PRMT8: variants seen among roughly 807,000 people sequenced by gnomAD.
The protein encoded by PRMT8 is protein arginine N-methyltransferase 8.
In PRMT8, 7 loss-of-function variants were observed where a neutral mutation model predicts 47.1. The observed-to-expected ratio is 0.15, with a 90% confidence interval of 0.08 to 0.28. The LOEUF is 0.28. Ranked by LOEUF, PRMT8 falls within the 10% of genes least tolerant of loss-of-function variation. The pLI, the probability that PRMT8 is intolerant of heterozygous loss-of-function variation, is 1.00. For synonymous variants in PRMT8, 188 were observed against 186.5 expected (o/e 1.01, Z -0.07); for missense variants, 237 against 505.4 (o/e 0.47, Z 5.09).
chr12:3,458,680 T>C (rs1294710757), intron 1 of PRMT8, among the ~76,000 whole-genome samples: 2 of 152,246 alleles, frequency 1.3e-5, no homozygotes, highest in African/African-American at 4.8e-5. Context: ...CCTTTCTTAA[T>C]GAAATCAGAC....
chr12:3,485,085 C>T (rs1026480738), intron 1 of PRMT8, among the ~76,000 whole-genome samples: 1 of 152,080 alleles, frequency 6.6e-6, no homozygotes, highest in Non-Finnish European at 1.5e-5. Context: ...GTAACTGATG[C>T]CAATTAAGAA....
At position 3,436,720 on chromosome 12, in the gene PRMT8, T is replaced by C. The variant is rs941166411; in HGVS notation, c.48+55278T>C. ...GCAAAAGCCATGAGTCGGTTAAACA[T>C]CAAGGTGAAGTTATTTCCAGCGGAT... On this transcript the variant is annotated intron_variant, in intron 1 of 9. Transcript: ENST00000452611. The surrounding 1 kb of genome is among the most constrained non-coding windows in gnomAD (Gnocchi z 4.2). Among the ~76,000 whole-genome samples, 17 of 152,292 alleles carry C rather than the reference T, an allele frequency of 1.1e-4. No homozygotes were observed. Among genetic ancestry groups the C allele is most frequent in the African/African-American group, 4.1e-4 (17 of 41,568 alleles).
chr12:3,584,826 C>G (rs969041294), intron 8 of PRMT8, among the ~76,000 whole-genome samples: 1 of 152,120 alleles, frequency 6.6e-6, no homozygotes, highest in Admixed American at 6.6e-5. Context: ...CCCAGCTGCC[C>G]CATTGATGGT....
chr12:3,578,420 G>A (rs1866989588), intron 7 of PRMT8, among the ~76,000 whole-genome samples: 1 of 151,144 alleles, frequency 6.6e-6, no homozygotes, highest in African/African-American at 2.4e-5. Flanking sequence ...AATGGGGTTT[G>A]GCCATGTTGC....
chr12:3,424,754 A>T (rs913969407), intron 1 of PRMT8, among the ~76,000 whole-genome samples: 3 of 152,198 alleles, frequency 2.0e-5, no homozygotes, highest in Non-Finnish European at 2.9e-5. Context: ...TTGTTCACTT[A>T]TAATAACCAT....
chr12:3,583,370 T>C lies in PRMT8; in HGVS notation c.979+162T>C, dbSNP rs59583667. Among the ~76,000 whole-genome samples, 3,327 of 152,200 alleles carry C rather than the reference T, an allele frequency of 0.022. 114 individuals carry two copies. The highest frequency in any genetic ancestry group is 0.075 in the African/African-American group (3,124 of 41,526). Reference sequence around the variant, plus strand: ...GCCATGGAGGAACCATGCATCCCTATATTTGTGCTGTCCAAGGAGAAGGTA... The same window carrying C: ...GCCATGGAGGAACCATGCATCCCTACATTTGTGCTGTCCAAGGAGAAGGTA... On this transcript the variant is annotated intron_variant, in intron 8 of 9. Coordinates refer to ENST00000382622, the MANE Select transcript of PRMT8 (RefSeq NM_019854.5). This position sits in a 1 kb window ranked among gnomAD's most constrained non-coding sequence, Gnocchi z 4.7.
intron 1 of PRMT8, among the ~76,000 whole-genome samples, chr12:3,407,624 G>C (rs548355069): frequency 3.8e-4 from 58 of 152,186 alleles, no homozygotes; most frequent in African/African-American, 1.3e-3. Context: ...CTGTCAGGGG[G>C]CCCTTTGAGC....
rs906946982 is a variant in PRMT8, at chr12:3,557,067, A to G, written c.481+3353A>G. Reference sequence around the variant, plus strand: ...AAGAATGAGACAGTTGCATGCCAAAAAGAGAGAAGGTGAAGGGAGGTGAGT... The same window carrying G: ...AAGAATGAGACAGTTGCATGCCAAAGAGAGAGAAGGTGAAGGGAGGTGAGT... On this transcript the variant is annotated intron_variant, in intron 4 of 9. Transcript: ENST00000382622. This position sits in a 1 kb window ranked among gnomAD's most constrained non-coding sequence, Gnocchi z 4.7. Among the ~76,000 whole-genome samples, 2 of 152,194 alleles carry G rather than the reference A, an allele frequency of 1.3e-5. No homozygotes were observed. Among genetic ancestry groups the G allele is most frequent in the Non-Finnish European group, 2.9e-5 (2 of 68,038 alleles).
chr12:3,563,591 T>C (rs1320308654), intron 4 of PRMT8, among the ~76,000 whole-genome samples: 2 of 152,044 alleles, frequency 1.3e-5, no homozygotes, highest in African/African-American at 2.4e-5. Flanking sequence ...CTTCTCTGAT[T>C]TCTTTTCTCT....
chr12:3,381,978 A>G (rs1864096640), intron 1 of PRMT8, among the ~76,000 whole-genome samples: 1 of 152,240 alleles, frequency 6.6e-6, no homozygotes, highest in Admixed American at 6.5e-5. Context: ...ATCATATAGT[A>G]TGTAACCTTC....
chr12:3,386,341 T>C (rs917747593), intron 1 of PRMT8, among the ~76,000 whole-genome samples: 2 of 152,244 alleles, frequency 1.3e-5, no homozygotes, highest in Non-Finnish European at 2.9e-5. Context: ...TTCCTGTGAT[T>C]TCTTCCTCAT....
chr12:3,529,658 T>A (rs1865998987), intron 1 of PRMT8, among the ~76,000 whole-genome samples: 3 of 152,060 alleles, frequency 2.0e-5, no homozygotes, highest in Non-Finnish European at 4.4e-5. Context: ...CTAGAAAGAG[T>A]CTATGGAAAC....
chr12:3,410,297 C>T (rs942761844), intron 1 of PRMT8, among the ~76,000 whole-genome samples: 4 of 152,156 alleles, frequency 2.6e-5, no homozygotes, highest in African/African-American at 9.7e-5. Context: ...TTCTCAGTCC[C>T]CTGGCAGTGA....
intron 1 of PRMT8, among the ~76,000 whole-genome samples, chr12:3,465,582 A>G (rs187634867): frequency 5.3e-5 from 8 of 152,264 alleles, no homozygotes; most frequent in Admixed American, 3.3e-4. Flanking sequence ...GTGGCCCTGG[A>G]TGATGGGTTA....
intron 1 of PRMT8, among the ~76,000 whole-genome samples, chr12:3,529,932 A>T (rs776771640): frequency 6.6e-6 from 1 of 152,122 alleles, no homozygotes; most frequent in Admixed American, 6.5e-5. Flanking sequence ...GTGCAAAGAG[A>T]TGGTTGGAAA....
intron 1 of PRMT8, among the ~76,000 whole-genome samples, chr12:3,511,580 CT>C (rs1865714635): frequency 6.6e-6 from 1 of 152,174 alleles, no homozygotes; most frequent in Admixed American, 6.5e-5. Context: ...GCCTGGGTTT[CT>C]ATGCATCTAA....
At chr12:3,391,998 T>C (rs956542717) in intron 1 of PRMT8, among the ~76,000 whole-genome samples, 4 of 152,084 alleles carry the variant, frequency 2.6e-5, no homozygotes, top group Non-Finnish European at 5.9e-5. Flanking sequence ...ATATTGCTCC[T>C]GAGCAAGGAA....
chr12:3,451,033 A>ACCCCCCCCCCCCCCCCCCCCCCC (rs71061115), intron 1 of PRMT8, among the ~76,000 whole-genome samples: 1 of 26,088 alleles, frequency 3.8e-5, no homozygotes, highest in Non-Finnish European at 6.6e-5. Flanking sequence ...TCTTGCTGAC[A>ACCCCCCCCCCCCCCCCCCCCCCC]CCCCCCCCCC....
At chr12:3,397,610 T>C (rs978826155) in intron 1 of PRMT8, among the ~76,000 whole-genome samples, 29 of 151,880 alleles carry the variant, frequency 1.9e-4, no homozygotes, top group Non-Finnish European at 4.4e-5. Context: ...ACTGCTCTCT[T>C]CAAAGCTGTC....
Sources: gnomAD v4.1 joint callset for allele counts (sites outside exome capture counted in the v4.1 genomes callset) on GRCh38, gnomAD v4.1.1 for gene constraint, Gnocchi (gnomAD v3.1) non-coding constraint, MANE v1.5 for transcripts, NCBI Gene and HGNC (gene_info 2026-07-23, HGNC 2026-07-21) for gene names.